The following TTC7B variants were observed in gnomAD, a reference collection of about 807,000 sequenced individuals.
TTC7B encodes the protein tetratricopeptide repeat domain 7B.
In TTC7B, 28 loss-of-function variants were observed where a neutral mutation model predicts 106.8. That is an observed-to-expected ratio of 0.26 (90% CI 0.19 to 0.36). The LOEUF (loss-of-function observed/expected upper bound fraction) is 0.36. TTC7B is among the 10% of genes least tolerant of loss of function. The pLI is 1.00. For missense variants in TTC7B, 862 were observed against 1,076.4 expected (o/e 0.80, Z 2.79); for synonymous variants, 405 against 430.6 (o/e 0.94, Z 0.74).
intron 8 of TTC7B, among the ~76,000 whole-genome samples, chr14:90,678,169 G>T (rs1037120862): frequency 1.6e-4 from 24 of 152,104 alleles, no homozygotes; most frequent in African/African-American, 5.3e-4. Context: ...GATTAAAAAG[G>T]TACAATATAG....
intron 9 of TTC7B, among the ~76,000 whole-genome samples, chr14:90,674,806 T>C (rs751235976): frequency 1.2e-4 from 19 of 152,232 alleles, no homozygotes; most frequent in Non-Finnish European, 5.9e-5. Flanking sequence ...TACCCTCCTA[T>C]TCCAGCTTCC....
At chr14:90,702,278 C>A (rs1388814124) in intron 5 of TTC7B, among the ~76,000 whole-genome samples, 1 of 152,154 alleles carries the variant, frequency 6.6e-6, no homozygotes, top group African/African-American at 2.4e-5. Context: ...TAGTCAGTAA[C>A]AACTGTATTG....
chr14:90,599,019 C>T (rs893521054), intron 17 of TTC7B, among the ~76,000 whole-genome samples: 8 of 152,080 alleles, frequency 5.3e-5, no homozygotes, highest in African/African-American at 1.7e-4. Flanking sequence ...GGCCTGGTGG[C>T]GGGTGCCTGT....
intron 9 of TTC7B, among the ~76,000 whole-genome samples, chr14:90,664,546 C>T (rs1886335735): frequency 1.3e-5 from 2 of 152,222 alleles, no homozygotes. Flanking sequence ...GCTGGGATTA[C>T]AGGCTTGGGC....
At chr14:90,607,873 G>A (rs753251936) in intron 17 of TTC7B, among the ~76,000 whole-genome samples, 8 of 152,168 alleles carry the variant, frequency 5.3e-5, no homozygotes, top group Non-Finnish European at 8.8e-5. Context: ...AGATACATAT[G>A]CTTGTTTGCA....
intron 16 of TTC7B, among the ~76,000 whole-genome samples, chr14:90,615,846 G>A (rs951638984): frequency 5.9e-5 from 9 of 152,098 alleles, no homozygotes; most frequent in African/African-American, 1.9e-4. Context: ...CAGGCTTTGC[G>A]GGGAGCCGGA....
chr14:90,551,148 G>A (rs1029146975), intron 19 of TTC7B, among the ~76,000 whole-genome samples: 3 of 152,182 alleles, frequency 2.0e-5, no homozygotes, highest in African/African-American at 4.8e-5. Context: ...GAAAACAGAG[G>A]GCCAGAGAGG....
At chr14:90,794,757 T>G (rs1891716790) in intron 1 of TTC7B, among the ~76,000 whole-genome samples, 1 of 152,156 alleles carries the variant, frequency 6.6e-6, no homozygotes, top group Non-Finnish European at 1.5e-5. Context: ...TCCCAACAAA[T>G]TATGTTTTCT....
chr14:90,714,405 TAAAGGG>T (rs935334292), intron 5 of TTC7B, among the ~76,000 whole-genome samples: 1 of 151,424 alleles, frequency 6.6e-6, no homozygotes, highest in Non-Finnish European at 1.5e-5. Flanking sequence ...CTTTTCGAGC[TAAAGGG>T]AATGTTCTGA....
chr14:90,788,592 C>A (rs566462018), intron 1 of TTC7B, among the ~76,000 whole-genome samples: 48 of 152,032 alleles, frequency 3.2e-4, no homozygotes, highest in Admixed American at 7.9e-4. Context: ...TCAATCTAAT[C>A]TTTTACTATT....
At chr14:90,809,690 C>T (rs1286312) in intron 1 of TTC7B, among the ~76,000 whole-genome samples, 94,325 of 152,240 alleles carry the variant, frequency 0.62, 30,623 homozygotes, top group Middle Eastern at 0.72. Flanking sequence ...ACACCTGTTC[C>T]AACTGCTCAT....
intron 3 of TTC7B, among the ~76,000 whole-genome samples, chr14:90,752,129 C>G (rs1230370022): frequency 6.6e-6 from 1 of 152,198 alleles, no homozygotes; most frequent in East Asian, 1.9e-4. Flanking sequence ...CTTTTAAAAG[C>G]TCAAACATGC....
intron 1 of TTC7B, among the ~76,000 whole-genome samples, chr14:90,800,768 G>A (rs1286329): frequency 0.7 from 106,265 of 151,786 alleles, 37,380 homozygotes; most frequent in Middle Eastern, 0.8. Flanking sequence ...CCAAGATTGC[G>A]CCACTGCACT....
At chr14:90,736,414 T>C (rs1595335848) in intron 4 of TTC7B, among the ~76,000 whole-genome samples, 1 of 151,832 alleles carries the variant, frequency 6.6e-6, no homozygotes, top group East Asian at 1.9e-4. Flanking sequence ...CTACTAAAAA[T>C]ACAAAAAAAT....
At chr14:90,736,030 C>A (rs1274073169) in intron 4 of TTC7B, among the ~76,000 whole-genome samples, 2 of 151,810 alleles carry the variant, frequency 1.3e-5, no homozygotes, top group Non-Finnish European at 2.9e-5. Context: ...ATTAAAAAGC[C>A]AGAATTTTAT....
intron 7 of TTC7B, among the ~76,000 whole-genome samples, chr14:90,687,397 G>C (rs1887287607): frequency 6.6e-6 from 1 of 152,138 alleles, no homozygotes; most frequent in South Asian, 2.1e-4. Flanking sequence ...AAATCTGAGT[G>C]GTTCAGGAAA....
rs1555383589 is a variant in TTC7B, at chr14:90,629,242, C to CAT, written c.1752-11198_1752-11197insAT. ...ATTTCTCTTCCCTGTTCTCAGGTTC[C>CAT]TTTTTTTTTCTTTTTTTTTAAATAG... On this transcript the variant is annotated intron_variant, in intron 15 of 19. Coordinates refer to ENST00000328459, the MANE Select transcript of TTC7B (RefSeq NM_001010854.2). 1.4e-3 allele frequency among the ~76,000 whole-genome samples: 213 copies of CAT among 151,180 alleles called. 2 individuals are homozygous for CAT. The highest frequency in any genetic ancestry group is 4.9e-3 in the African/African-American group (204 of 41,242).
intron 16 of TTC7B, among the ~76,000 whole-genome samples, chr14:90,614,330 T>C (rs1486880471): frequency 6.6e-6 from 1 of 152,224 alleles, no homozygotes; most frequent in Admixed American, 6.5e-5. Flanking sequence ...TCCACCCAAA[T>C]GCTGGTGACT....
At chr14:90,812,258 T>C (rs2030937801) in intron 1 of TTC7B, among the ~76,000 whole-genome samples, 1 of 152,170 alleles carries the variant, frequency 6.6e-6, no homozygotes, top group South Asian at 2.1e-4. Flanking sequence ...GCCAGGTCAC[T>C]GCACTTTCAC....
Sources: allele counts gnomAD v4.1 joint callset (sites outside exome capture counted in the v4.1 genomes callset), GRCh38; gene constraint gnomAD v4.1.1; transcripts MANE v1.5; gene names NCBI Gene and HGNC (gene_info 2026-07-23, HGNC 2026-07-21).